SAPCD2: variants seen among roughly 807,000 people sequenced by gnomAD.
The protein encoded by SAPCD2 is suppressor APC domain-containing protein 2.
Under a neutral mutation model 37.8 loss-of-function variants are expected in SAPCD2, and 34 were observed. The observed-to-expected ratio is 0.90, with a 90% confidence interval of 0.68 to 1.20. The LOEUF (loss-of-function observed/expected upper bound fraction) is 1.20, where lower values mean the gene tolerates loss of function less well. SAPCD2 is among the 50% of genes most tolerant of loss of function. SAPCD2 has a pLI of 0.00. For synonymous variants in SAPCD2, 275 were observed against 270.3 expected, an observed-to-expected ratio of 1.02 and a Z score of -0.17; for missense variants, 572 against 584.7, an observed-to-expected ratio of 0.98 and a Z score of 0.22.
Position 137,070,483 on chromosome 9 carries a change from C to T in SAPCD2, c.-23G>A, listed in dbSNP as rs1832611192. 7.5e-6 allele frequency: 9 copies of T among 1,205,232 alleles called. No individual in the cohort carries two copies. Among genetic ancestry groups the T allele is most frequent in the South Asian group, 3.9e-5 (1 of 25,390 alleles). 74.7% of individuals were successfully genotyped at this position (1,205,232 alleles called of 1,614,324 possible). ...CATGGGCGCCCGGGATCGGTCCCCTCGTCCACCCGCGTGCGTCCCAGCGCG... is the reference window on the plus strand; with the variant it reads ...CATGGGCGCCCGGGATCGGTCCCCTTGTCCACCCGCGTGCGTCCCAGCGCG... On this transcript the variant is annotated 5_prime_UTR_variant, in exon 1 of 6. Coordinates refer to ENST00000409687, the MANE Select transcript of SAPCD2 (RefSeq NM_178448.4).
At position 137,062,574 on chromosome 9, in the gene SAPCD2, G is replaced by C. The variant is rs1379007005; in HGVS notation, c.*2085C>G. Reference sequence around the variant, plus strand: ...TTCCGGGTGTCATCACAGTGTGCACGCACGTGTATGTACCTGCACACGCTA... The same window carrying C: ...TTCCGGGTGTCATCACAGTGTGCACCCACGTGTATGTACCTGCACACGCTA... On this transcript the variant is annotated 3_prime_UTR_variant, in exon 6 of 6. Transcript: ENST00000409687. The C allele has an allele frequency of 6.6e-6, 1 of 152,212 alleles. No homozygotes were observed. The highest frequency in any genetic ancestry group is 2.4e-5 in the African/African-American group (1 of 41,434). 9.4% of individuals were successfully genotyped at this position (152,212 alleles called of 1,614,324 possible).
Position 137,065,598 on chromosome 9 carries a change from C to G in SAPCD2, c.755G>C (p.Gly252Ala). Residue 252 changes from glycine to alanine, a missense_variant, in exon 3 of 6, where the codon GGC (glycine) becomes GCC (alanine). Transcript: ENST00000409687. ...CAGCTGCTGCTGGTACCAGTCGCGG[C>G]CCCGCGCCATCATCTCCAAACCCTG... ...LLQGLEMMAR[G>A]RDWYQQQLQR... The G allele has an allele frequency of 1.2e-6, 2 of 1,610,538 alleles. No homozygotes were observed. The highest frequency in any genetic ancestry group is 1.7e-6 in the Non-Finnish European group (2 of 1,178,344).
intron 1 of SAPCD2, among the ~76,000 whole-genome samples, chr9:137,067,689 G>A (rs553340400): frequency 2.1e-5 from 3 of 140,308 alleles, no homozygotes; most frequent in South Asian, 2.3e-4. Context: ...CAGGAGGATC[G>A]CTTGAACCCA....
chr9:137,068,619 C>G (rs1017767768), intron 1 of SAPCD2, among the ~76,000 whole-genome samples: 3 of 152,244 alleles, frequency 2.0e-5, no homozygotes, highest in African/African-American at 7.2e-5. Flanking sequence ...AAATATGTCA[C>G]GCCATTTGTC....
chr9:137,065,440 G>T, intron 3 of SAPCD2, 82 bp downstream of exon 3: 1 of 1,454,492 alleles, frequency 6.9e-7, no homozygotes, highest in Non-Finnish European at 9.2e-7. Flanking sequence ...CGGGAATAGG[G>T]GCAGCCACAA....
rs1322127374 is a variant in SAPCD2 at position 137,064,556 on chromosome 9, C to T, written c.*103G>A. The T allele has an allele frequency of 6.5e-6, 9 of 1,380,350 alleles. No homozygotes were observed. Among genetic ancestry groups the T allele is most frequent in the South Asian group, 2.6e-5 (2 of 78,084 alleles). 85.5% of individuals were successfully genotyped at this position (1,380,350 alleles called of 1,614,324 possible). On this transcript the variant is annotated 3_prime_UTR_variant, in exon 6 of 6. Coordinates refer to ENST00000409687, the MANE Select transcript of SAPCD2 (RefSeq NM_178448.4). Reference sequence around the variant, plus strand: ...CGCCCACTCCGGGACTGTGCCTGGGCCTGCCGGGGGTCTCCAGCCAGAGAG... The same window carrying T: ...CGCCCACTCCGGGACTGTGCCTGGGTCTGCCGGGGGTCTCCAGCCAGAGAG...
Position 137,064,629 on chromosome 9 carries a change from G to T in SAPCD2, c.*30C>A. ...CCCTCGAAGGGCTGAGTGCCAGGCT[G>T]GCCCTGGGGGCCCACGCGGCCCACA... is the stretch of plus-strand genomic sequence containing the variant. On this transcript the variant is annotated 3_prime_UTR_variant, in exon 6 of 6. Coordinates refer to ENST00000409687, the MANE Select transcript of SAPCD2 (RefSeq NM_178448.4). 1 of 1,581,094 alleles carries T rather than the reference G, an allele frequency of 6.3e-7. No homozygotes were observed. The highest frequency in any genetic ancestry group is 8.6e-7 in the Non-Finnish European group (1 of 1,164,898).
chr9:137,066,897 C>G (rs1464193618), intron 1 of SAPCD2, among the ~76,000 whole-genome samples: 2 of 152,228 alleles, frequency 1.3e-5, no homozygotes, highest in African/African-American at 4.8e-5. Flanking sequence ...TGGCTCACGC[C>G]TGTAATCCCA....
In SAPCD2 at chr9:137,062,898, G is replaced by A. The variant is rs1454631969; in HGVS notation, c.*1761C>T. On this transcript the variant is annotated 3_prime_UTR_variant, in exon 6 of 6. Coordinates refer to ENST00000409687, the MANE Select transcript of SAPCD2 (RefSeq NM_178448.4). Reference sequence around the variant, plus strand: ...CTCACATTTCCGCTTCAGCTGCGGGGTCCAGCTCTATGTGGGCGGTCTCCT... The same window carrying A: ...CTCACATTTCCGCTTCAGCTGCGGGATCCAGCTCTATGTGGGCGGTCTCCT... 4 of 152,226 alleles carry A rather than the reference G, an allele frequency of 2.6e-5. No homozygotes were observed. The highest frequency in any genetic ancestry group is 9.6e-5 in the African/African-American group (4 of 41,452). The allele number at this position is 152,226 out of a possible 1,614,324, so 9.4% of individuals were successfully genotyped here.
Position 137,063,366 on chromosome 9 carries a change from C to A in SAPCD2, c.*1293G>T, listed in dbSNP as rs1231565576. ...TGGGCTCCGGAAGGGAGTTGCCACG[C>A]TGCCTGCCAGGGCCCCTCCTCTGAG... On this transcript the variant is annotated 3_prime_UTR_variant, in exon 6 of 6. Transcript: ENST00000409687. The A allele has an allele frequency of 1.3e-5, 2 of 152,354 alleles. No individual in the cohort carries two copies. Among genetic ancestry groups the A allele is most frequent in the African/African-American group, 4.8e-5 (2 of 41,454 alleles). The allele number at this position is 152,354 out of a possible 1,614,324, so 9.4% of individuals were successfully genotyped here.
chr9:137,069,482 A>G (rs1832593752), intron 1 of SAPCD2, among the ~76,000 whole-genome samples: 1 of 152,176 alleles, frequency 6.6e-6, no homozygotes, highest in Non-Finnish European at 1.5e-5. Context: ...TTTCTTTGAG[A>G]AGGAAGCACT....
chr9:137,069,828 TGCG>T, intron 1 of SAPCD2, 59 bp downstream of exon 1: 1 of 1,103,538 alleles, frequency 9.1e-7, no homozygotes, highest in Non-Finnish European at 1.1e-6. Context: ...GCTGTGGGAC[TGCG>T]GTTTCTGGCC....
chr9:137,070,137 G>A lies in SAPCD2; in HGVS notation c.324C>T (p.Ala108=). 1 of 1,200,056 alleles carries A rather than the reference G, an allele frequency of 8.3e-7. No homozygotes were observed. The highest frequency in any genetic ancestry group is 1.6e-5 in the African/African-American group (1 of 62,820). The allele number at this position is 1,200,056 out of a possible 1,614,324, so 74.3% of individuals were successfully genotyped here. Residue 108 remains alanine, a synonymous_variant, in exon 1 of 6, where the codon GCC becomes GCT. Transcript: ENST00000409687. Reference sequence around the variant, plus strand: ...GCGGCTGATCCCCGGGCCGGGCCGGGGCGCGCGTGGGGTCCCGGGGGCCGC... The same window carrying A: ...GCGGCTGATCCCCGGGCCGGGCCGGAGCGCGCGTGGGGTCCCGGGGGCCGC... The part of the protein sequence containing the change: ...ADGGPRDPTR[A]PARPGDQPPP...
At chr9:137,066,211 C>T (rs71508889) in intron 2 of SAPCD2, 51 bp downstream of exon 2, 3 of 1,457,976 alleles carry the variant, frequency 2.1e-6, no homozygotes, top group Non-Finnish European at 2.8e-6. Context: ...ATCCCGGCCT[C>T]CAGCCTCCAG....
intron 2 of SAPCD2, 108 bp from the exon 3 acceptor site, chr9:137,065,776 C>T (rs1342602089): frequency 7.4e-7 from 1 of 1,353,706 alleles, no homozygotes; most frequent in Non-Finnish European, 1.0e-6. Context: ...GACACAAATG[C>T]AGCAGCACGT....
intron 1 of SAPCD2, among the ~76,000 whole-genome samples, chr9:137,069,226 A>G (rs1001155899): frequency 6.6e-6 from 1 of 152,236 alleles, no homozygotes; most frequent in Non-Finnish European, 1.5e-5. Context: ...ATCACTGCCA[A>G]CTGGACCGGA....
In SAPCD2 at chr9:137,064,585, G is replaced by C; in HGVS notation, c.*74C>G. On this transcript the variant is annotated 3_prime_UTR_variant, in exon 6 of 6. Transcript: ENST00000409687. ...CCGGGGGTCTCCAGCCAGAGAGGGT[G>C]GGTGCGATGGGGCGCCCACCCTCGA... is the stretch of plus-strand genomic sequence containing the variant. 6.6e-7 allele frequency: 1 copy of C among 1,512,116 alleles called. No individual in the cohort carries two copies. The highest frequency in any genetic ancestry group is 9.0e-7 in the Non-Finnish European group (1 of 1,114,958). 93.7% of individuals were successfully genotyped at this position (1,512,116 alleles called of 1,614,324 possible). A position where few individuals can be genotyped will look rare whatever the true frequency, so the allele number is the denominator to read the frequency against.
At chr9:137,067,947 G>C (rs1832573746) in intron 1 of SAPCD2, among the ~76,000 whole-genome samples, 1 of 152,272 alleles carries the variant, frequency 6.6e-6, no homozygotes, top group Admixed American at 6.5e-5. Flanking sequence ...CTCCGGCCCA[G>C]CTTCCTGGTG....
At position 137,069,507 on chromosome 9, in the gene SAPCD2, C is replaced by A. The variant is rs538775732; in HGVS notation, c.571+383G>T. Among the ~76,000 whole-genome samples, 6 of 152,330 alleles carry A rather than the reference C, an allele frequency of 3.9e-5. No individual in the cohort carries two copies. In the East Asian group the frequency reaches 1.2e-3, roughly 29 times the overall value. On this transcript the variant is annotated intron_variant, in intron 1 of 5. Transcript: ENST00000409687. ...AAGGAAGCACTTCTGCCTGAGCAGC[C>A]ACAGACAGGAGGCTGAGGGCCCAGG...
Sources: allele counts gnomAD v4.1 joint callset (sites outside exome capture counted in the v4.1 genomes callset), GRCh38; gene constraint gnomAD v4.1.1; transcripts MANE v1.5; gene names NCBI Gene and HGNC (gene_info 2026-07-23, HGNC 2026-07-21).